The following CRYZL1 variants were observed in gnomAD, a reference collection of about 807,000 sequenced individuals.
CRYZL1 encodes crystallin zeta like 1.
Under a neutral mutation model 50.6 loss-of-function variants are expected in CRYZL1, and 34 were observed. The ratio of observed to expected loss-of-function variants is 0.67; its 90% CI spans 0.51 to 0.89. The LOEUF (loss-of-function observed/expected upper bound fraction) is 0.89. Ranked by LOEUF, CRYZL1 falls within the 40% of genes least tolerant of loss-of-function variation. The pLI, the probability that CRYZL1 is intolerant of heterozygous loss-of-function variation, is 0.00. For missense variants in CRYZL1, 354 were observed against 402.3 expected, an observed-to-expected ratio of 0.88 and a Z score of 1.03; for synonymous variants, 125 against 134.3, an observed-to-expected ratio of 0.93 and a Z score of 0.48.
rs755252342 is a variant in CRYZL1 at position 33,616,694 on chromosome 21, A to G, written c.262+12T>C. 1.2e-6 allele frequency: 2 copies of G among 1,610,040 alleles called. No homozygotes were observed. The highest frequency in any genetic ancestry group is 2.2e-5 in the South Asian group (2 of 90,150). ...TAGATGACTTGAAATAAGACTATGA[A>G]CTATAACTTACCAACTACTTCATCA... is the stretch of plus-strand genomic sequence containing the variant. On this transcript the variant is annotated intron_variant, in intron 5 of 12. Coordinates refer to ENST00000381554, the MANE Select transcript of CRYZL1 (RefSeq NM_145858.3).
chr21:33,602,425 T>G, intron 7 of CRYZL1, 80 bp from the exon 8 acceptor site: 2 of 553,352 alleles, frequency 3.6e-6, no homozygotes, highest in South Asian at 6.0e-5. Context: ...TATTATTTAA[T>G]AAAGTATAAT....
At chr21:33,617,366 A>G (rs921908971) in intron 4 of CRYZL1, among the ~76,000 whole-genome samples, 2 of 152,068 alleles carry the variant, frequency 1.3e-5, no homozygotes, top group African/African-American at 2.4e-5. Flanking sequence ...AATCTATTCT[A>G]TAGCTTCTAT....
intron 1 of CRYZL1, chr21:33,640,201 C>G: frequency 6.5e-7 from 1 of 1,547,644 alleles, no homozygotes; most frequent in Non-Finnish European, 8.7e-7. Flanking sequence ...ACAAAAAGAG[C>G]ATAGTTAATC....
At chr21:33,599,129 C>T (rs771824686) in intron 9 of CRYZL1, 21 bp downstream of exon 9, 2 of 1,610,880 alleles carry the variant, frequency 1.2e-6, no homozygotes, top group South Asian at 2.2e-5. Context: ...ACACAGGCTA[C>T]TAATTTCATA....
chr21:33,618,865 T>C lies in CRYZL1; in HGVS notation c.218-2115A>G, dbSNP rs923975829. Among the ~76,000 whole-genome samples the C allele has an allele frequency of 2.0e-5, 3 of 152,166 alleles. No individual in the cohort carries two copies. The South Asian group carries it at 6.2e-4, about 32-fold the overall frequency. On this transcript the variant is annotated intron_variant, in intron 4 of 12. Coordinates refer to ENST00000381554, the MANE Select transcript of CRYZL1 (RefSeq NM_145858.3). ...CTTCTTTTAATTGACCCTCAAACAG[T>C]GCATTCCAAAGGGTTCTTTGTTTAC... is the stretch of plus-strand genomic sequence containing the variant.
intron 12 of CRYZL1, 102 bp from the exon 13 acceptor site, chr21:33,590,023 TA>T (rs745587163): frequency 9.2e-6 from 6 of 650,502 alleles, no homozygotes; most frequent in Non-Finnish European, 1.3e-5. Flanking sequence ...ATTAGTGTAT[TA>T]ATTAATTTTT....
intron 1 of CRYZL1, chr21:33,641,237 A>G (rs2087318161): frequency 6.4e-7 from 1 of 1,550,548 alleles, no homozygotes; most frequent in African/African-American, 1.4e-5. Flanking sequence ...CTGGCTCAAA[A>G]GCCACATACA....
chr21:33,622,378 C>A (rs887083913), intron 3 of CRYZL1, among the ~76,000 whole-genome samples: 2 of 152,154 alleles, frequency 1.3e-5, no homozygotes, highest in Non-Finnish European at 2.9e-5. Flanking sequence ...CAAAACATTT[C>A]TTGATTGGCT....
intron 1 of CRYZL1, among the ~76,000 whole-genome samples, chr21:33,640,934 GATA>G (rs941999214): frequency 1.9e-4 from 29 of 152,296 alleles, no homozygotes; most frequent in African/African-American, 5.3e-4. Context: ...GCGTTGAAAT[GATA>G]ATGTCTCAGA....
intron 2 of CRYZL1, among the ~76,000 whole-genome samples, chr21:33,630,135 C>A (rs566797608): frequency 1.3e-5 from 2 of 152,200 alleles, no homozygotes; most frequent in South Asian, 2.1e-4. Flanking sequence ...GGAAGATATC[C>A]CCTCATCCCC....
intron 11 of CRYZL1, 194 bp from the exon 12 acceptor site, chr21:33,591,401 T>G (rs1224842614): frequency 3.3e-6 from 2 of 600,092 alleles, no homozygotes; most frequent in Non-Finnish European, 5.9e-6. Context: ...TGAGAGTTGG[T>G]GGTGTAATAG....
chr21:33,591,286 G>A, intron 11 of CRYZL1, 79 bp from the exon 12 acceptor site: 1 of 1,145,956 alleles, frequency 8.7e-7, no homozygotes, highest in Non-Finnish European at 1.3e-6. Flanking sequence ...ATGCCAGGCA[G>A]GCCACTTTCT....
chr21:33,596,475 T>C (rs2086693857), intron 10 of CRYZL1, among the ~76,000 whole-genome samples: 1 of 151,826 alleles, frequency 6.6e-6, no homozygotes, highest in Admixed American at 6.6e-5. Flanking sequence ...CTGTCTCTAC[T>C]AAATATACAA....
intron 1 of CRYZL1, among the ~76,000 whole-genome samples, chr21:33,632,430 T>C (rs2087151376): frequency 6.6e-6 from 1 of 151,942 alleles, no homozygotes; most frequent in Non-Finnish European, 1.5e-5. Flanking sequence ...CAGGCTGGAG[T>C]GTAGTGGCAC....
intron 6 of CRYZL1, among the ~76,000 whole-genome samples, chr21:33,605,574 T>A (rs887507877): frequency 8.2e-6 from 1 of 122,684 alleles, no homozygotes; most frequent in East Asian, 2.9e-4. Flanking sequence ...CAGGCTGGAG[T>A]GCAGTGGTGT....
intron 2 of CRYZL1, among the ~76,000 whole-genome samples, chr21:33,627,511 C>T (rs1255181835): frequency 1.3e-5 from 2 of 152,114 alleles, no homozygotes; most frequent in Non-Finnish European, 2.9e-5. Flanking sequence ...TACTTTTAAT[C>T]CCTAAATTTA....
chr21:33,602,025 T>C (rs1255185119), intron 8 of CRYZL1, among the ~76,000 whole-genome samples: 3 of 150,878 alleles, frequency 2.0e-5, no homozygotes, highest in African/African-American at 7.3e-5. Context: ...AGATTATATA[T>C]AGATGAGGTC....
At chr21:33,592,611 C>A (rs1475870286) in intron 11 of CRYZL1, among the ~76,000 whole-genome samples, 1 of 152,170 alleles carries the variant, frequency 6.6e-6, no homozygotes, top group Admixed American at 6.5e-5. Flanking sequence ...TATGTAATTG[C>A]CCGTACTTCT....
chr21:33,625,528 C>T (rs897867443), intron 2 of CRYZL1, among the ~76,000 whole-genome samples: 11 of 151,922 alleles, frequency 7.2e-5, no homozygotes, highest in South Asian at 2.1e-4. Context: ...CTGTCTCCCA[C>T]GCGGGAATGC....
Sources: allele counts gnomAD v4.1 joint callset (sites outside exome capture counted in the v4.1 genomes callset), GRCh38; gene constraint gnomAD v4.1.1; transcripts MANE v1.5; gene names NCBI Gene and HGNC (gene_info 2026-07-23, HGNC 2026-07-21).